SCN11A: variants seen among roughly 807,000 people sequenced by gnomAD.
SCN11A encodes the protein sodium channel protein type 11 subunit alpha.
A neutral mutation model predicts 162.2 loss-of-function variants in SCN11A; 122 were observed. The observed-to-expected ratio is 0.75, with a 90% CI of 0.65 to 0.87. SCN11A has a LOEUF of 0.87. Among genes scored for constraint, SCN11A ranks in the 40% least tolerant of loss-of-function variants. The pLI, the probability that SCN11A is intolerant of heterozygous loss-of-function variation, is 0.00. For synonymous variants in SCN11A, 758 were observed against 751.5 expected, an observed-to-expected ratio of 1.01 and a Z score of -0.14; for missense variants, 2,015 against 2,181.6, an observed-to-expected ratio of 0.92 and a Z score of 1.52.
At chr3:38,870,581 C>T (rs2126095157) in intron 26 of SCN11A, 110 bp downstream of exon 26, 1 of 849,594 alleles carries the variant, frequency 1.2e-6, no homozygotes, top group Non-Finnish European at 1.9e-6. Context: ...GAAAACAAGG[C>T]AGAGAACCCC....
chr3:38,921,948 A>G (rs1175691343), intron 9 of SCN11A, among the ~76,000 whole-genome samples: 1 of 152,190 alleles, frequency 6.6e-6, no homozygotes, highest in African/African-American at 2.4e-5. Context: ...GAGAGCCCTG[A>G]TCTATAGCAT....
intron 7 of SCN11A, among the ~76,000 whole-genome samples, chr3:38,928,860 T>C (rs1157958517): frequency 6.6e-6 from 1 of 152,154 alleles, no homozygotes; most frequent in East Asian, 1.9e-4. Context: ...GTGCAATCCC[T>C]ATGGAAAACA....
intron 9 of SCN11A, among the ~76,000 whole-genome samples, chr3:38,923,287 C>T (rs952173275): frequency 1.3e-5 from 2 of 152,146 alleles, no homozygotes; most frequent in African/African-American, 4.8e-5. Flanking sequence ...GTGCTTATTC[C>T]CTTGGTGATC....
intron 2 of SCN11A, among the ~76,000 whole-genome samples, chr3:38,963,103 A>G (rs2066752105): frequency 6.6e-6 from 1 of 151,134 alleles, no homozygotes; most frequent in Non-Finnish European, 1.5e-5. Flanking sequence ...TGCTGGTGGG[A>G]ATGTAAACTA....
At chr3:38,873,911 G>A (rs1373761781) in intron 23 of SCN11A, among the ~76,000 whole-genome samples, 2 of 152,166 alleles carry the variant, frequency 1.3e-5, no homozygotes, top group Admixed American at 1.3e-4. Flanking sequence ...GAATAGTACA[G>A]CATATAAATC....
intron 28 of SCN11A, among the ~76,000 whole-genome samples, chr3:38,858,740 CAT>C (rs1389050652): frequency 1.3e-5 from 2 of 152,080 alleles, no homozygotes; most frequent in African/African-American, 4.8e-5. Context: ...GAGCATTCTC[CAT>C]ATCACATGGA....
chr3:38,852,452 T>G (rs2064797829), intron 28 of SCN11A, among the ~76,000 whole-genome samples: 1 of 152,098 alleles, frequency 6.6e-6, no homozygotes, highest in African/African-American at 2.4e-5. Flanking sequence ...ATAGAGGAGA[T>G]TAAGAGCATA....
At chr3:38,908,950 C>T in intron 13 of SCN11A, 47 bp downstream of exon 13, 2 of 1,569,866 alleles carry the variant, frequency 1.3e-6, no homozygotes, top group Non-Finnish European at 1.8e-6. Flanking sequence ...CTGGGGACCC[C>T]TTCCCCTCCC....
chr3:38,860,080 A>G (rs904314607), intron 28 of SCN11A, among the ~76,000 whole-genome samples: 2 of 152,066 alleles, frequency 1.3e-5, no homozygotes, highest in Non-Finnish European at 2.9e-5. Context: ...ACCCAGGAAC[A>G]GAAGATAGCA....
intron 2 of SCN11A, among the ~76,000 whole-genome samples, chr3:39,029,266 C>G (rs1227040283): frequency 6.6e-6 from 1 of 152,040 alleles, no homozygotes; most frequent in East Asian, 1.9e-4. Flanking sequence ...ACTTTTAAAC[C>G]TTTTCCAATG....
At chr3:39,025,631 T>C (rs996342075) in intron 2 of SCN11A, among the ~76,000 whole-genome samples, 5 of 152,184 alleles carry the variant, frequency 3.3e-5, no homozygotes, top group Non-Finnish European at 5.9e-5. Flanking sequence ...TGTTAATGCA[T>C]TATAATTAGT....
At chr3:38,913,091 A>C (rs2065908708) in intron 11 of SCN11A, among the ~76,000 whole-genome samples, 1 of 152,192 alleles carries the variant, frequency 6.6e-6, no homozygotes, top group South Asian at 2.1e-4. Context: ...GAACTAATTT[A>C]CACTTCTACT....
chr3:38,938,542 ATATATATATTTTTTTTTTTTTT>A (rs2066385887), intron 7 of SCN11A, among the ~76,000 whole-genome samples: 1 of 23,170 alleles, frequency 4.3e-5, no homozygotes, highest in African/African-American at 2.5e-4. Flanking sequence ...ATATATATAT[ATATATATATTTTTTTTTTTTTT>A]TTTTTTTTTT....
chr3:39,042,720 G>T lies in SCN11A; in HGVS notation c.-404+9141C>A, dbSNP rs527473023. Among the ~76,000 whole-genome samples the T allele has an allele frequency of 2.4e-4, 37 of 152,224 alleles. No homozygotes were observed. The Middle Eastern group carries it at 0.01, about 42-fold the overall frequency. On this transcript the variant is annotated intron_variant, in intron 1 of 29. Coordinates refer to ENST00000302328, the MANE Select transcript of SCN11A (RefSeq NM_001349253.2). Reference sequence around the variant, plus strand: ...CGCCTGTAATCCCAGCACTTTGGGAGGCCGAGACAGGAGGATCACCTGAAG... The same window carrying T: ...CGCCTGTAATCCCAGCACTTTGGGATGCCGAGACAGGAGGATCACCTGAAG...
intron 1 of SCN11A, among the ~76,000 whole-genome samples, chr3:39,036,174 C>G (rs1392246141): frequency 1.3e-5 from 2 of 152,036 alleles, no homozygotes; most frequent in African/African-American, 4.8e-5. Flanking sequence ...GACAGAGTCT[C>G]ACTCCGTAGC....
At chr3:38,907,355 TATACACACACACAC>T (rs1559523668) in intron 14 of SCN11A, among the ~76,000 whole-genome samples, 4 of 24,896 alleles carry the variant, frequency 1.6e-4, no homozygotes, top group South Asian at 3.1e-3. Flanking sequence ...TATATCTATA[TATACACACACACAC>T]ACACACACAC....
chr3:38,960,562 G>C (rs2066732242), intron 2 of SCN11A, among the ~76,000 whole-genome samples, 139 bp from the exon 3 acceptor site: 1 of 152,230 alleles, frequency 6.6e-6, no homozygotes, highest in South Asian at 2.1e-4. Flanking sequence ...CCTTTAATCA[G>C]TGCTTAATCT....
intron 18 of SCN11A, among the ~76,000 whole-genome samples, 189 bp from the exon 19 acceptor site, chr3:38,895,153 A>G (rs1319299010): frequency 6.6e-6 from 1 of 152,272 alleles, no homozygotes. Flanking sequence ...ACAGTAAGAC[A>G]GAATAAAAAT....
At chr3:38,975,220 A>G (rs1470279489) in intron 2 of SCN11A, among the ~76,000 whole-genome samples, 2 of 152,012 alleles carry the variant, frequency 1.3e-5, no homozygotes, top group East Asian at 3.9e-4. Flanking sequence ...GAAAATCCTA[A>G]AAAATATACT....
Sources: gnomAD v4.1 joint callset for allele counts (sites outside exome capture counted in the v4.1 genomes callset) on GRCh38, gnomAD v4.1.1 for gene constraint, MANE v1.5 for transcripts, NCBI Gene and HGNC (gene_info 2026-07-23, HGNC 2026-07-21) for gene names.